Variants in PMM2 observed in about 807,000 individuals in gnomAD.
The protein encoded by PMM2 is mannose-6-phosphate isomerase.
A neutral mutation model predicts 33.2 loss-of-function variants in PMM2; 35 were observed. The observed-to-expected ratio is 1.06, with a 90% confidence interval of 0.81 to 1.40. The LOEUF (loss-of-function observed/expected upper bound fraction) is 1.40, where lower values mean the gene tolerates loss of function less well. PMM2 is among the 40% of genes most tolerant of loss of function. PMM2 has a pLI of 0.00. For missense variants in PMM2, 386 were observed against 306.0 expected, an observed-to-expected ratio of 1.26 and a Z score of -1.95; for synonymous variants, 153 against 114.7, an observed-to-expected ratio of 1.33 and a Z score of -2.13.
intron 7 of PMM2, among the ~76,000 whole-genome samples, chr16:8,820,378 A>G (rs7195169): frequency 7.3e-6 from 1 of 136,398 alleles, no homozygotes; most frequent in South Asian, 2.2e-4. Context: ...TCCTGAGACA[A>G]GGTCTCACTC....
intron 7 of PMM2, among the ~76,000 whole-genome samples, chr16:8,837,774 C>T (rs1385234633): frequency 6.6e-6 from 1 of 152,014 alleles, no homozygotes; most frequent in Non-Finnish European, 1.5e-5. Flanking sequence ...AGGACCAAGG[C>T]AGGCGTCCCT....
At chr16:8,810,976 A>G (rs934612138) in intron 4 of PMM2, 103 bp from the exon 5 acceptor site, 3 of 736,726 alleles carry the variant, frequency 4.1e-6, no homozygotes, top group African/African-American at 3.5e-5. Flanking sequence ...TGACCACACT[A>G]GCCTCTGCTT....
intron 1 of PMM2, among the ~76,000 whole-genome samples, chr16:8,798,294 C>G (rs748158693): frequency 6.6e-6 from 1 of 152,132 alleles, no homozygotes; most frequent in Non-Finnish European, 1.5e-5. Flanking sequence ...TGTGTCGGCC[C>G]CAATCCTGTA....
chr16:8,802,790 A>T (rs935070199), intron 2 of PMM2, among the ~76,000 whole-genome samples: 3 of 151,492 alleles, frequency 2.0e-5, no homozygotes, highest in Non-Finnish European at 4.4e-5. Flanking sequence ...AGATCACACC[A>T]TTGCACTCCA....
intron 2 of PMM2, among the ~76,000 whole-genome samples, chr16:8,802,599 C>T (rs866320041): frequency 3.9e-5 from 6 of 152,088 alleles, no homozygotes; most frequent in South Asian, 2.1e-4. Context: ...GAGGCCGAGG[C>T]GGATGGATCA....
chr16:8,813,318 C>A (rs1246878990), intron 7 of PMM2, among the ~76,000 whole-genome samples: 1 of 152,192 alleles, frequency 6.6e-6, no homozygotes, highest in Non-Finnish European at 1.5e-5. Flanking sequence ...GATCACACTG[C>A]ATGTTAGTTG....
intron 3 of PMM2, among the ~76,000 whole-genome samples, chr16:8,805,292 C>T (rs1320690714): frequency 1.3e-5 from 2 of 151,764 alleles, no homozygotes; most frequent in African/African-American, 4.8e-5. Context: ...GATCTCTAAC[C>T]CCTGACCTCA....
intron 7 of PMM2, among the ~76,000 whole-genome samples, chr16:8,820,580 C>G (rs1331479433): frequency 2.0e-5 from 3 of 152,118 alleles, no homozygotes; most frequent in Non-Finnish European, 4.4e-5. Flanking sequence ...TCTTGAACTC[C>G]TAACCTCAAG....
At chr16:8,839,013 T>G (rs1339915002) in intron 7 of PMM2, among the ~76,000 whole-genome samples, 3 of 151,990 alleles carry the variant, frequency 2.0e-5, no homozygotes, top group Admixed American at 6.6e-5. Context: ...GTGACATGTC[T>G]GTGATGCTAG....
At chr16:8,846,291 G>C (rs1269662489) in intron 7 of PMM2, among the ~76,000 whole-genome samples, 1 of 152,142 alleles carries the variant, frequency 6.6e-6, no homozygotes, top group Non-Finnish European at 1.5e-5. Flanking sequence ...TCAGATTTTT[G>C]GTACAAAATC....
chr16:8,834,188 G>C (rs2060828942), intron 7 of PMM2, among the ~76,000 whole-genome samples: 1 of 152,184 alleles, frequency 6.6e-6, no homozygotes, highest in African/African-American at 2.4e-5. Flanking sequence ...TAAAAGTATT[G>C]TCCAGTCCTT....
intron 2 of PMM2, among the ~76,000 whole-genome samples, chr16:8,803,313 G>A (rs574319957): frequency 2.6e-5 from 4 of 151,850 alleles, no homozygotes; most frequent in South Asian, 2.1e-4. Flanking sequence ...GCTATAAACC[G>A]CATACTGGGG....
chr16:8,834,237 A>G (rs1157945274), intron 7 of PMM2, among the ~76,000 whole-genome samples: 1 of 152,200 alleles, frequency 6.6e-6, no homozygotes, highest in Non-Finnish European at 1.5e-5. Context: ...TGTGTTTTTA[A>G]AAGACCTTTA....
chr16:8,814,518 A>G (rs2060695247), intron 7 of PMM2, among the ~76,000 whole-genome samples: 1 of 152,238 alleles, frequency 6.6e-6, no homozygotes, highest in Non-Finnish European at 1.5e-5. Flanking sequence ...TTTGCTTTTC[A>G]GCAGGGTCCC....
chr16:8,826,358 A>C (rs189208559), intron 7 of PMM2, among the ~76,000 whole-genome samples: 12 of 152,352 alleles, frequency 7.9e-5, no homozygotes, highest in Admixed American at 3.3e-4. Context: ...TGCAGAGCCT[A>C]GAATACAGGA....
intron 7 of PMM2, among the ~76,000 whole-genome samples, chr16:8,846,591 C>G (rs2060927160): frequency 6.6e-6 from 1 of 152,042 alleles, no homozygotes; most frequent in Non-Finnish European, 1.5e-5. Flanking sequence ...GGCACAGGAC[C>G]CCAGCAGAAC....
intron 1 of PMM2, among the ~76,000 whole-genome samples, chr16:8,799,143 G>A (rs2060596605): frequency 6.6e-6 from 1 of 152,076 alleles, no homozygotes; most frequent in Non-Finnish European, 1.5e-5. Flanking sequence ...CTCAACTTTA[G>A]TGCAAAACCA....
At chr16:8,814,298 A>C (rs2141025156) in intron 7 of PMM2, among the ~76,000 whole-genome samples, 1 of 151,618 alleles carries the variant, frequency 6.6e-6, no homozygotes, top group Non-Finnish European at 1.5e-5. Context: ...CTTTTCAGTT[A>C]CTCCCATCCT....
chr16:8,815,660 G>A (rs1041382585), intron 7 of PMM2, among the ~76,000 whole-genome samples: 2 of 152,046 alleles, frequency 1.3e-5, no homozygotes, highest in Admixed American at 6.6e-5. Flanking sequence ...TCCTGACTTC[G>A]TCCTTTTGGC....
Sources: gnomAD v4.1 joint callset for allele counts (sites outside exome capture counted in the v4.1 genomes callset) on GRCh38, gnomAD v4.1.1 for gene constraint, MANE v1.5 for transcripts, NCBI Gene and HGNC (gene_info 2026-07-23, HGNC 2026-07-21) for gene names.